The following UBE2D2 variants were observed in gnomAD, a reference collection of about 807,000 sequenced individuals.
UBE2D2 encodes ubiquitin-conjugating enzyme E2 D2.
In UBE2D2, 2 loss-of-function variants were observed where a neutral mutation model predicts 24.2. That is an observed-to-expected ratio of 0.08 (90% CI 0.03 to 0.26). The LOEUF (loss-of-function observed/expected upper bound fraction) is 0.26. UBE2D2 is among the 10% of genes least tolerant of loss of function. The probability of loss-of-function intolerance (pLI) is 1.00; values close to 1 mark genes in which losing one functional copy is unlikely to be tolerated. For synonymous variants in UBE2D2, 58 were observed against 56.5 expected (o/e 1.03, Z -0.12); for missense variants, 44 against 177.6 (o/e 0.25, Z 4.28).
chr5:139,582,364 G>A (rs1753622417), intron 1 of UBE2D2, among the ~76,000 whole-genome samples: 1 of 151,526 alleles, frequency 6.6e-6, no homozygotes, highest in Admixed American at 6.6e-5. Context: ...CTGGTTTCAG[G>A]TGACGTCCAG....
chr5:139,600,575 C>A, intron 2 of UBE2D2, 140 bp downstream of exon 2: 1 of 775,378 alleles, frequency 1.3e-6, no homozygotes, highest in Non-Finnish European at 2.1e-6. Context: ...ATCCCATTAT[C>A]ATCTGTGTTG....
At position 139,570,351 on chromosome 5, in the gene UBE2D2, T is replaced by C. The variant is rs186030729; in HGVS notation, c.24+8536T>C. 4.5e-3 allele frequency among the ~76,000 whole-genome samples: 679 copies of C among 152,090 alleles called. 5 individuals are homozygous for C. Among genetic ancestry groups the C allele is most frequent in the African/African-American group, 0.014 (573 of 41,498 alleles). On this transcript the variant is annotated intron_variant, in intron 1 of 6. Coordinates refer to ENST00000398733, the MANE Select transcript of UBE2D2 (RefSeq NM_003339.3). ...CCACCACCACCACCCCGCCTTTTTT[T>C]CCCCCGAAACGGAGTCTCTACCTCT...
chr5:139,562,872 TTC>T (rs1435020042), intron 1 of UBE2D2, among the ~76,000 whole-genome samples: 1 of 152,172 alleles, frequency 6.6e-6, no homozygotes, highest in East Asian at 1.9e-4. Flanking sequence ...CACTATTAAT[TTC>T]TGTTTGGTGT....
At position 139,535,761 on chromosome 5, in the gene UBE2D2, T is replaced by C. The variant is rs369107672; in HGVS notation, c.-64+9149T>C. Among the ~76,000 whole-genome samples the C allele has an allele frequency of 2.0e-5, 3 of 152,374 alleles. No individual in the cohort carries two copies. The East Asian group carries it at 5.8e-4, about 29-fold the overall frequency. ...TTTATGATATACATTTTTATTATTA[T>C]GGAACATCTGCAACATATACAAAGG... On this transcript the variant is annotated intron_variant, in intron 1 of 6. Transcript: ENST00000511725.
At chr5:139,577,761 A>G (rs1328914660) in intron 1 of UBE2D2, among the ~76,000 whole-genome samples, 1 of 152,074 alleles carries the variant, frequency 6.6e-6, no homozygotes, top group African/African-American at 2.4e-5. Context: ...ATCCACCTAT[A>G]TTAAGTAGCA....
chr5:139,539,011 C>G (rs184291182), intron 1 of UBE2D2, among the ~76,000 whole-genome samples: 1 of 152,094 alleles, frequency 6.6e-6, no homozygotes, highest in Non-Finnish European at 1.5e-5. Flanking sequence ...AAGGGAATTA[C>G]GTGACTGAGA....
intron 1 of UBE2D2, among the ~76,000 whole-genome samples, chr5:139,575,416 A>G (rs1226202600): frequency 6.6e-6 from 1 of 152,094 alleles, no homozygotes; most frequent in Non-Finnish European, 1.5e-5. Flanking sequence ...TTTCACTTTT[A>G]CTTCATCGTC....
chr5:139,530,289 A>G (rs1227205582), intron 1 of UBE2D2, among the ~76,000 whole-genome samples: 1 of 152,186 alleles, frequency 6.6e-6, no homozygotes, highest in Non-Finnish European at 1.5e-5. Flanking sequence ...AAGCTGCCTG[A>G]TCAGGACAGG....
chr5:139,567,696 G>A (rs1191593952), intron 1 of UBE2D2, among the ~76,000 whole-genome samples: 1 of 151,440 alleles, frequency 6.6e-6, no homozygotes, highest in East Asian at 2.0e-4. Context: ...CCCATGCCCA[G>A]CTACTTTTTG....
At chr5:139,597,798 T>G (rs1163897630) in intron 1 of UBE2D2, among the ~76,000 whole-genome samples, 1 of 152,258 alleles carries the variant, frequency 6.6e-6, no homozygotes, top group Non-Finnish European at 1.5e-5. Context: ...CTTTTTTTCT[T>G]GAGATGGGCA....
chr5:139,547,143 T>C (rs915478040), intron 1 of UBE2D2, among the ~76,000 whole-genome samples: 17 of 151,600 alleles, frequency 1.1e-4, no homozygotes, highest in Admixed American at 1.1e-3. Context: ...ACAAAAAAAT[T>C]AGACAGGCGT....
chr5:139,580,391 A>C (rs1157737803), intron 1 of UBE2D2, among the ~76,000 whole-genome samples: 1 of 152,078 alleles, frequency 6.6e-6, no homozygotes, highest in Admixed American at 6.6e-5. Flanking sequence ...ATGGCTGAGG[A>C]GAGTGGATGG....
intron 1 of UBE2D2, among the ~76,000 whole-genome samples, chr5:139,583,381 G>GT (rs1263744512): frequency 6.6e-6 from 1 of 152,116 alleles, no homozygotes; most frequent in Non-Finnish European, 1.5e-5. Flanking sequence ...TAATACATAC[G>GT]TTAATTAGCT....
At chr5:139,598,123 G>T (rs945610154) in intron 1 of UBE2D2, among the ~76,000 whole-genome samples, 2 of 152,030 alleles carry the variant, frequency 1.3e-5, no homozygotes. Context: ...GGATGGTCTC[G>T]ATCTCCTGAC....
chr5:139,562,408 G>GT (rs1386038142), intron 1 of UBE2D2: 1 of 1,308,886 alleles, frequency 7.6e-7, no homozygotes, highest in Non-Finnish European at 1.0e-6. Context: ...AAAAAAAAAG[G>GT]TGACTTAATG....
intron 5 of UBE2D2, among the ~76,000 whole-genome samples, chr5:139,621,432 T>TTA (rs1754512233): frequency 6.6e-6 from 1 of 152,250 alleles, no homozygotes; most frequent in Non-Finnish European, 1.5e-5. Flanking sequence ...TTGTATTCTC[T>TTA]GTAATGAGTG....
At chr5:139,600,066 G>A (rs1260690662) in intron 1 of UBE2D2, among the ~76,000 whole-genome samples, 1 of 152,084 alleles carries the variant, frequency 6.6e-6, no homozygotes, top group Non-Finnish European at 1.5e-5. Flanking sequence ...CCAAAGTGCT[G>A]GGATTACAGG....
At chr5:139,590,856 G>A (rs577303323) in intron 1 of UBE2D2, among the ~76,000 whole-genome samples, 5 of 139,618 alleles carry the variant, frequency 3.6e-5, no homozygotes, top group South Asian at 2.3e-4. Context: ...GTGCAGTGGC[G>A]CGATCTTGGC....
At chr5:139,541,743 A>G (rs140058683) in intron 1 of UBE2D2, among the ~76,000 whole-genome samples, 1 of 148,172 alleles carries the variant, frequency 6.7e-6, no homozygotes, top group Non-Finnish European at 1.5e-5. Context: ...ACAACCCTAC[A>G]AAAAAAAAAT....
Sources: gnomAD v4.1 joint callset for allele counts (sites outside exome capture counted in the v4.1 genomes callset) on GRCh38, gnomAD v4.1.1 for gene constraint, MANE v1.5 for transcripts, NCBI Gene and HGNC (gene_info 2026-07-23, HGNC 2026-07-21) for gene names.